Variants in CABIN1 observed in about 807,000 individuals in gnomAD.
CABIN1 encodes the protein calcineurin-binding protein cabin-1.
A neutral mutation model predicts 227.7 loss-of-function variants in CABIN1; 133 were observed. The ratio of observed to expected loss-of-function variants is 0.58; its 90% CI spans 0.51 to 0.67. The LOEUF is 0.67. Ranked by LOEUF, CABIN1 falls within the 30% of genes least tolerant of loss-of-function variation. CABIN1 has a pLI of 0.00. For missense variants in CABIN1, 2,408 were observed against 2,852.5 expected, an observed-to-expected ratio of 0.84 and a Z score of 3.55; for synonymous variants, 1,086 against 1,155.1, an observed-to-expected ratio of 0.94 and a Z score of 1.21.
chr22:24,089,247 C>T (rs2041378670), intron 23 of CABIN1, among the ~76,000 whole-genome samples: 1 of 152,212 alleles, frequency 6.6e-6, no homozygotes, highest in Admixed American at 6.5e-5. Flanking sequence ...GTTTGTAGAG[C>T]TTTGTTTGTA....
At chr22:24,087,845 C>A in intron 23 of CABIN1, 132 bp downstream of exon 23, 1 of 1,217,198 alleles carries the variant, frequency 8.2e-7, no homozygotes, top group Non-Finnish European at 1.2e-6. Flanking sequence ...ACTGACGAAT[C>A]TCCCCATGAG....
chr22:24,055,278 T>C, intron 9 of CABIN1, 119 bp downstream of exon 9: 3 of 1,208,936 alleles, frequency 2.5e-6, no homozygotes, highest in East Asian at 2.5e-5. Flanking sequence ...TGCTCATGAC[T>C]CAAGTGGAAG....
chr22:24,107,401 T>C (rs1272726700), intron 26 of CABIN1, among the ~76,000 whole-genome samples: 1 of 152,258 alleles, frequency 6.6e-6, no homozygotes. Flanking sequence ...CATCTGTGTC[T>C]GAGAGGCTCA....
chr22:24,176,358 G>T (rs2047108804), intron 35 of CABIN1, 83 bp downstream of exon 35: 1 of 1,445,688 alleles, frequency 6.9e-7, no homozygotes, highest in Non-Finnish European at 9.4e-7. Flanking sequence ...TCCCGGCCTG[G>T]CCTTGAAGGG....
Position 24,171,945 on chromosome 22 carries a change from C to T in CABIN1, c.5990C>T (p.Pro1997Leu). The T allele has an allele frequency of 6.2e-7, 1 of 1,613,668 alleles. No homozygotes were observed. The highest frequency in any genetic ancestry group is 8.5e-7 in the Non-Finnish European group (1 of 1,180,042). Residue 1997 changes from proline to leucine, a missense_variant, in exon 34 of 37, where the codon CCC (proline) becomes CTC (leucine). Transcript: ENST00000263119. ...GACCAGTCCAAGGACCCTGGGCCTC[C>T]CCGGCCACACAGGCCTGAAGCTACC... ...TLDQSKDPGP[P>L]RPHRPEATPS...
At chr22:24,156,125 C>T in intron 29 of CABIN1, 1 of 402,020 alleles carries the variant, frequency 2.5e-6, no homozygotes, top group Non-Finnish European at 4.4e-6. Flanking sequence ...GGGACTGGGG[C>T]CGGGGCTGGG....
At chr22:24,136,532 T>TTTTTTTTTTTTTTTTTTTTTTTTTTTG (rs2044422452) in intron 29 of CABIN1, among the ~76,000 whole-genome samples, 1 of 141,466 alleles carries the variant, frequency 7.1e-6, no homozygotes, top group Non-Finnish European at 1.5e-5. Context: ...GTATTTTTTT[T>TTTTTTTTTTTTTTTTTTTTTTTTTTTG]TTTTTTTTTT....
At chr22:24,067,346 C>G (rs1481660238) in intron 16 of CABIN1, among the ~76,000 whole-genome samples, 165 bp downstream of exon 16, 1 of 152,186 alleles carries the variant, frequency 6.6e-6, no homozygotes, top group African/African-American at 2.4e-5. Flanking sequence ...AAGATATGGT[C>G]AAGACTAATG....
chr22:24,041,933 G>A lies in CABIN1; in HGVS notation c.345+660G>A, dbSNP rs2037405130. On this transcript the variant is annotated intron_variant, in intron 5 of 36. Transcript: ENST00000263119. ...GTCTTCAAAGTACATGAGTTTTCTT[G>A]AATCCCATAAGACTCTCATTTTTTC... Among the ~76,000 whole-genome samples the A allele has an allele frequency of 1.3e-5, 2 of 152,172 alleles. 1 individual carries two copies. Among genetic ancestry groups the A allele is most frequent in the Admixed American group, 1.3e-4 (2 of 15,280 alleles).
At chr22:24,042,260 C>A (rs750908493) in intron 5 of CABIN1, among the ~76,000 whole-genome samples, 5 of 152,184 alleles carry the variant, frequency 3.3e-5, no homozygotes, top group Non-Finnish European at 5.9e-5. Flanking sequence ...GGCATATTTT[C>A]TTTTCTTTCT....
chr22:24,082,909 G>C (rs1479291672), intron 19 of CABIN1, among the ~76,000 whole-genome samples: 2 of 152,194 alleles, frequency 1.3e-5, no homozygotes, highest in African/African-American at 2.4e-5. Flanking sequence ...AAATAAATGA[G>C]TGAAGTTCCC....
chr22:24,119,766 G>A, intron 28 of CABIN1, 68 bp downstream of exon 28: 1 of 1,416,540 alleles, frequency 7.1e-7, no homozygotes, highest in South Asian at 1.1e-5. Flanking sequence ...GAAGGTTGGT[G>A]GGCAGAGCTA....
chr22:24,035,904 G>A (rs1201839877), intron 2 of CABIN1, among the ~76,000 whole-genome samples, 185 bp from the exon 3 acceptor site: 15 of 60,658 alleles, frequency 2.5e-4, no homozygotes, highest in African/African-American at 5.0e-4. Context: ...CCCACCCCCC[G>A]CCCTTCTTTT....
At position 24,142,152 on chromosome 22, in the gene CABIN1, G is replaced by A. The variant is rs550782982; in HGVS notation, c.4746+7737G>A. 8.8e-4 allele frequency among the ~76,000 whole-genome samples: 134 copies of A among 152,200 alleles called. 1 individual carries two copies. Among genetic ancestry groups the A allele is most frequent in the African/African-American group, 3.2e-3 (131 of 41,496 alleles). On this transcript the variant is annotated intron_variant, in intron 29 of 36. Transcript: ENST00000263119. Reference sequence around the variant, plus strand: ...AGATGTGAGGTATATGTTAGGGGTGGGTACAGTGGACCCACCTTCCAGAGC... The same window carrying A: ...AGATGTGAGGTATATGTTAGGGGTGAGTACAGTGGACCCACCTTCCAGAGC...
chr22:24,041,038 A>G, intron 4 of CABIN1, 101 bp from the exon 5 acceptor site: 2 of 1,416,944 alleles, frequency 1.4e-6, no homozygotes, highest in Non-Finnish European at 2.0e-6. Context: ...AGACTGGCTC[A>G]AGGGCCTGCA....
At chr22:24,155,842 T>G (rs867779266) in intron 29 of CABIN1, 3 of 428,004 alleles carry the variant, frequency 7.0e-6, no homozygotes, top group African/African-American at 6.2e-5. Context: ...GCACCCACTT[T>G]GCCCGGCAGC....
intron 4 of CABIN1, among the ~76,000 whole-genome samples, chr22:24,039,784 T>C (rs1204943229): frequency 2.0e-5 from 3 of 152,264 alleles, no homozygotes; most frequent in Non-Finnish European, 2.9e-5. Context: ...AACATGCTCA[T>C]TGTAAACAAT....
chr22:24,090,698 G>T (rs1412264929), intron 23 of CABIN1, among the ~76,000 whole-genome samples: 1 of 152,042 alleles, frequency 6.6e-6, no homozygotes, highest in Non-Finnish European at 1.5e-5. Context: ...CTTCCTGCAG[G>T]CCACAGCAGC....
chr22:24,020,266 T>G (rs761793310), intron 1 of CABIN1, among the ~76,000 whole-genome samples: 1 of 152,224 alleles, frequency 6.6e-6, no homozygotes, highest in Non-Finnish European at 1.5e-5. Context: ...ATTTTTCCCT[T>G]AGATGATTAC....
Sources: allele counts gnomAD v4.1 joint callset (sites outside exome capture counted in the v4.1 genomes callset), GRCh38; gene constraint gnomAD v4.1.1; transcripts MANE v1.5; gene names NCBI Gene and HGNC (gene_info 2026-07-23, HGNC 2026-07-21).